Variants in PPM1E observed in about 807,000 individuals in gnomAD.
PPM1E encodes the protein protein phosphatase 1E.
Under a neutral mutation model 65.9 loss-of-function variants are expected in PPM1E, and 20 were observed. That is an observed-to-expected ratio of 0.30 (90% CI 0.21 to 0.44). The LOEUF (loss-of-function observed/expected upper bound fraction) is 0.44. Ranked by LOEUF, PPM1E falls within the 20% of genes least tolerant of loss-of-function variation. PPM1E has a pLI of 1.00. For missense variants in PPM1E, 713 were observed against 953.1 expected, an observed-to-expected ratio of 0.75 and a Z score of 3.32; for synonymous variants, 352 against 374.9, an observed-to-expected ratio of 0.94 and a Z score of 0.70.
At chr17:58,977,440 C>CAAAAA (rs1282159101) in intron 6 of PPM1E, among the ~76,000 whole-genome samples, 2 of 62,104 alleles carry the variant, frequency 3.2e-5, no homozygotes, top group African/African-American at 1.2e-4. Flanking sequence ...GACTCTGTCT[C>CAAAAA]AAAAAAAAAA....
intron 1 of PPM1E, among the ~76,000 whole-genome samples, chr17:58,760,308 T>G (rs1215856822): frequency 1.3e-5 from 2 of 152,154 alleles, no homozygotes; most frequent in Non-Finnish European, 2.9e-5. Context: ...ATGTCAAAAT[T>G]TCCTCAGATT....
At chr17:58,758,853 G>A (rs534313741) in intron 1 of PPM1E, among the ~76,000 whole-genome samples, 1 of 152,078 alleles carries the variant, frequency 6.6e-6, no homozygotes, top group Non-Finnish European at 1.5e-5. Flanking sequence ...GCTGAGGTGG[G>A]CGGAACACCT....
chr17:58,756,566 C>G, intron 1 of PPM1E, 105 bp downstream of exon 1: 7 of 1,193,930 alleles, frequency 5.9e-6, no homozygotes, highest in South Asian at 4.2e-5. Context: ...CTGCTCCTCT[C>G]CCCCGCACCC....
At chr17:58,800,530 C>T in intron 1 of PPM1E, among the ~76,000 whole-genome samples, 1 of 152,058 alleles carries the variant, frequency 6.6e-6, no homozygotes, top group Non-Finnish European at 1.5e-5. Flanking sequence ...CATAATTCAC[C>T]AGTAAAACTA....
intron 1 of PPM1E, among the ~76,000 whole-genome samples, chr17:58,826,360 A>G (rs546296679): frequency 6.6e-6 from 1 of 152,012 alleles, no homozygotes; most frequent in Non-Finnish European, 1.5e-5. Context: ...TATATTATGA[A>G]AGAAATTTAG....
At chr17:58,875,218 A>T (rs535830485) in intron 1 of PPM1E, among the ~76,000 whole-genome samples, 1 of 152,198 alleles carries the variant, frequency 6.6e-6, no homozygotes, top group Non-Finnish European at 1.5e-5. Context: ...GTTAAATAGC[A>T]TATTGTCTTT....
intron 6 of PPM1E, among the ~76,000 whole-genome samples, chr17:58,977,962 C>T (rs1416615939): frequency 1.3e-5 from 2 of 152,288 alleles, no homozygotes; most frequent in South Asian, 2.1e-4. Context: ...AGGCTGGCTT[C>T]GTACTCCCGA....
chr17:58,928,196 C>A (rs1464856594), intron 1 of PPM1E, among the ~76,000 whole-genome samples: 1 of 152,034 alleles, frequency 6.6e-6, no homozygotes, highest in East Asian at 1.9e-4. Flanking sequence ...TGCACCACTG[C>A]ACTCTAGGAT....
intron 1 of PPM1E, among the ~76,000 whole-genome samples, chr17:58,762,015 G>C (rs2049825967): frequency 6.6e-6 from 1 of 152,218 alleles, no homozygotes; most frequent in Non-Finnish European, 1.5e-5. Context: ...GTGAAGCATG[G>C]TAAGTGTGGT....
intron 1 of PPM1E, among the ~76,000 whole-genome samples, chr17:58,814,762 T>C (rs1219556287): frequency 1.3e-5 from 2 of 152,234 alleles, no homozygotes; most frequent in Non-Finnish European, 2.9e-5. Flanking sequence ...CTTGCTGTTA[T>C]AGCACAAAAA....
At chr17:58,966,097 T>A (rs1212722766) in intron 3 of PPM1E, 2 of 602,170 alleles carry the variant, frequency 3.3e-6, no homozygotes, top group Non-Finnish European at 5.8e-6. Context: ...TTCACATGGT[T>A]CAAAATTGGG....
rs1176228172 is a variant in PPM1E at position 58,980,733 on chromosome 17, T to C, written c.1970T>C (p.Phe657Ser). 3.7e-6 allele frequency: 6 copies of C among 1,614,042 alleles called. No homozygotes were observed. The highest frequency in any genetic ancestry group is 1.3e-5 in the African/African-American group (1 of 74,920). Residue 657 changes from phenylalanine (F) to serine (S), a missense_variant, in exon 7 of 7, where the codon TTC becomes TCC. By Grantham distance (155) the Phe-to-Ser change is radical. Around this residue, in one of 6 missense-constraint regions of PPM1E, gnomAD observed 286 missense variants for 313.8 expected, o/e 0.91. Transcript: ENST00000308249. The surrounding 1 kb of genome is among the most constrained non-coding windows in gnomAD (Gnocchi z 4.7). ...TGTTCAGGGTTGGAAAATGAACAGT[T>C]CAAATCCCCGGGAAACAGAGTTTCT... is the stretch of plus-strand genomic sequence containing the variant. The part of the protein sequence containing the change: ...PVCSGLENEQ[F>S]KSPGNRVSRL...
chr17:58,763,368 A>G (rs926121039), intron 1 of PPM1E, among the ~76,000 whole-genome samples: 1 of 152,146 alleles, frequency 6.6e-6, no homozygotes, highest in African/African-American at 2.4e-5. Context: ...GAAGTGGCAT[A>G]TATCACTTCT....
At chr17:58,917,267 T>C (rs1041068540) in intron 1 of PPM1E, among the ~76,000 whole-genome samples, 1 of 151,554 alleles carries the variant, frequency 6.6e-6, no homozygotes, top group Non-Finnish European at 1.5e-5. Flanking sequence ...AAGATACACA[T>C]AATGTATTGA....
chr17:58,876,852 C>T (rs1354829834), intron 1 of PPM1E, among the ~76,000 whole-genome samples: 3 of 152,038 alleles, frequency 2.0e-5, no homozygotes, highest in East Asian at 1.9e-4. Context: ...GGCGCGATCT[C>T]GGCTCACTGC....
rs774078556 is a variant in PPM1E, at chr17:58,980,776, C to T, written c.2013C>T (p.Arg671=). The T allele has an allele frequency of 2.5e-6, 4 of 1,614,008 alleles. No individual in the cohort carries two copies. The highest frequency in any genetic ancestry group is 3.4e-6 in the Non-Finnish European group (4 of 1,180,002). The change falls in exon 7 of 7, where the codon CGC becomes CGT. Residue 671 remains arginine, a synonymous_variant. Coordinates refer to ENST00000308249, the MANE Select transcript of PPM1E (RefSeq NM_014906.5). The surrounding 1 kb of genome is among the most constrained non-coding windows in gnomAD (Gnocchi z 4.7). ...GNRVSRLSHL[R]HHYSKKWHRF... ...GAGTTTCTAGATTGTCTCATTTACG[C>T]CACCACTACTCAAAGAAGTGGCACA...
At chr17:58,948,256 G>T (rs2143623616) in intron 1 of PPM1E, among the ~76,000 whole-genome samples, 1 of 152,238 alleles carries the variant, frequency 6.6e-6, no homozygotes, top group East Asian at 1.9e-4. Context: ...CAGGAATGCT[G>T]TTGCGGCCTT....
intron 1 of PPM1E, among the ~76,000 whole-genome samples, chr17:58,781,809 A>G (rs917111381): frequency 1.3e-5 from 2 of 151,818 alleles, no homozygotes; most frequent in Non-Finnish European, 2.9e-5. Context: ...TCACTTGAAC[A>G]CAGTAGGTAG....
At chr17:58,953,699 C>G (rs1025927888) in intron 1 of PPM1E, among the ~76,000 whole-genome samples, 3 of 152,044 alleles carry the variant, frequency 2.0e-5, no homozygotes, top group South Asian at 2.1e-4. Context: ...CTAGAATATC[C>G]AGGTAACCAT....
Sources: allele counts gnomAD v4.1 joint callset (sites outside exome capture counted in the v4.1 genomes callset), GRCh38; gene constraint gnomAD v4.1.1; regional missense constraint gnomAD v4.1.1; non-coding constraint Gnocchi (gnomAD v3.1); transcripts MANE v1.5; gene names NCBI Gene and HGNC (gene_info 2026-07-23, HGNC 2026-07-21).